PSMD9: variants seen among roughly 807,000 people sequenced by gnomAD.
PSMD9 encodes 26S proteasome non-ATPase regulatory subunit 9.
In PSMD9, 26 loss-of-function variants were observed where a neutral mutation model predicts 25.9. The ratio of observed to expected loss-of-function variants is 1.00; its 90% CI spans 0.73 to 1.39. PSMD9 has a LOEUF of 1.39. Among genes scored for constraint, PSMD9 ranks in the 40% most tolerant of loss-of-function variants. PSMD9 has a pLI of 0.00. For missense variants in PSMD9, 303 were observed against 299.3 expected (o/e 1.01, Z -0.09); for synonymous variants, 110 against 114.5 (o/e 0.96, Z 0.25).
chr12:121,900,271 G>T (rs965377615), intron 3 of PSMD9, among the ~76,000 whole-genome samples: 2 of 152,188 alleles, frequency 1.3e-5, no homozygotes, highest in East Asian at 3.8e-4. Flanking sequence ...CACTTGAGAA[G>T]GCTGAGGCGA....
intron 4 of PSMD9, among the ~76,000 whole-genome samples, chr12:121,912,282 T>C (rs2135732113): frequency 6.6e-6 from 1 of 152,132 alleles, no homozygotes; most frequent in African/African-American, 2.4e-5. Flanking sequence ...CCACCCGTCT[T>C]GGCCTCCCAA....
rs1023140916 is a variant in PSMD9 at position 121,918,006 on chromosome 12, G to C, written c.*1695G>C. 1.3e-5 allele frequency: 2 copies of C among 152,202 alleles called. No individual in the cohort carries two copies. The highest frequency in any genetic ancestry group is 4.8e-5 in the African/African-American group (2 of 41,456). 9.4% of individuals were successfully genotyped at this position (152,202 alleles called of 1,614,324 possible). Reference sequence around the variant, plus strand: ...CCTTCTGCCTCAGTGGCTCTGGCTGGTTTCCTGCAGGGGTCCCAGTGGAAA... The same window carrying C: ...CCTTCTGCCTCAGTGGCTCTGGCTGCTTTCCTGCAGGGGTCCCAGTGGAAA... On this transcript the variant is annotated 3_prime_UTR_variant, in exon 6 of 6. Transcript: ENST00000541212. This position sits in a 1 kb window ranked among gnomAD's most constrained non-coding sequence, Gnocchi z 4.3.
Position 121,899,802 on chromosome 12 carries a change from C to A in PSMD9, c.410C>A (p.Ala137Asp). Residue 137 changes from alanine (A) to aspartate (D), a missense_variant, in exon 3 of 6, where the codon GCC becomes GAC. Transcript: ENST00000541212. ...SESQGPPRAF[A>D]KVNSISPGSP... is the part of the protein sequence containing the mutation. The stretch of plus-strand genomic sequence containing the variant: ...AGCCAGGGCCCTCCACGGGCCTTCG[C>A]CAAAGTGAACAGCATCAGCCCCGGC... The A allele has an allele frequency of 6.2e-7, 1 of 1,614,072 alleles. No individual in the cohort carries two copies.
chr12:121,899,396 C>T, intron 2 of PSMD9: 1 of 503,384 alleles, frequency 2.0e-6, no homozygotes, highest in Non-Finnish European at 3.6e-6. Context: ...GACTTTGCTG[C>T]TGGCCAGGCC....
intron 1 of PSMD9, among the ~76,000 whole-genome samples, chr12:121,889,342 T>A (rs1878990639): frequency 6.6e-6 from 1 of 152,190 alleles, no homozygotes; most frequent in African/African-American, 2.4e-5. Context: ...TGTTACTTGG[T>A]GATTAAACAG....
chr12:121,899,642 A>C lies in PSMD9; in HGVS notation c.250A>C (p.Asn84His), dbSNP rs753094308. Residue 84 changes from asparagine to histidine, a missense_variant, in exon 3 of 6, where the codon AAT becomes CAT. Coordinates refer to ENST00000541212, the MANE Select transcript of PSMD9 (RefSeq NM_002813.7). ...TGTGGTTCTCATCCCAGGCCTGCAG[A>C]ATGATCACAAGGCAGTGATGAAGCA... is the stretch of plus-strand genomic sequence containing the variant. ...TARHNIICLQ[N>H]DHKAVMKQVE... is the part of the protein sequence containing the mutation. 54 of 1,606,510 alleles carry C rather than the reference A, an allele frequency of 3.4e-5. No homozygotes were observed. Among genetic ancestry groups the C allele is most frequent in the Non-Finnish European group, 4.5e-5 (53 of 1,176,598 alleles).
chr12:121,908,593 G>C (rs929372979), intron 4 of PSMD9, among the ~76,000 whole-genome samples: 5 of 152,112 alleles, frequency 3.3e-5, no homozygotes, highest in Non-Finnish European at 7.3e-5. Context: ...AAACAAACAG[G>C]GTCCTTGCCT....
intron 2 of PSMD9, 150 bp from the exon 3 acceptor site, chr12:121,899,484 A>G (rs1879325092): frequency 1.5e-6 from 1 of 677,780 alleles, no homozygotes; most frequent in South Asian, 1.9e-5. Flanking sequence ...CCATGAGGGA[A>G]TGTCCTCTGT....
rs1878961845 is a variant in PSMD9 at position 121,888,843 on chromosome 12, G to C, written c.-14G>C. ...CGGGAGCCGGGTCTCTGGAGTCGCG[G>C]CCCGGGGTTCACGATGTCCGACGAG... On this transcript the variant is annotated 5_prime_UTR_variant, in exon 1 of 6. Transcript: ENST00000541212. 1 of 1,598,336 alleles carries C rather than the reference G, an allele frequency of 6.3e-7. No individual in the cohort carries two copies. The highest frequency in any genetic ancestry group is 1.3e-5 in the African/African-American group (1 of 74,756).
In PSMD9 at chr12:121,911,933, G is replaced by A. The variant is rs1565895660; in HGVS notation, c.556-3923G>A. ...CTCCCAAAGTGCTGGGATTGCAGGC[G>A]TGAACCACCACACCTGGCCTATGAA... On this transcript the variant is annotated intron_variant, in intron 4 of 5. Transcript: ENST00000541212. Among the ~76,000 whole-genome samples, 10 of 151,960 alleles carry A rather than the reference G, an allele frequency of 6.6e-5. No individual in the cohort carries two copies. In the South Asian group the frequency reaches 2.1e-3, roughly 32 times the overall value.
intron 4 of PSMD9, among the ~76,000 whole-genome samples, chr12:121,905,609 C>T (rs1050026943): frequency 3.3e-5 from 5 of 150,260 alleles, no homozygotes; most frequent in South Asian, 2.1e-4. Flanking sequence ...CTCACTGCAA[C>T]CTCTGCCTCC....
chr12:121,911,020 T>C, intron 4 of PSMD9: 1 of 453,454 alleles, frequency 2.2e-6, no homozygotes, highest in Non-Finnish European at 4.4e-6. Context: ...AAATCTTACA[T>C]ACTGTGTAGT....
intron 4 of PSMD9, among the ~76,000 whole-genome samples, chr12:121,904,906 C>T (rs1879509411): frequency 6.6e-6 from 1 of 151,538 alleles, no homozygotes; most frequent in Non-Finnish European, 1.5e-5. Flanking sequence ...GCTGGGACTA[C>T]AGATGTGAGC....
chr12:121,910,536 C>T (rs1051813698), intron 4 of PSMD9, among the ~76,000 whole-genome samples: 6 of 151,514 alleles, frequency 4.0e-5, no homozygotes, highest in African/African-American at 1.2e-4. Flanking sequence ...CCAAGGTGGG[C>T]GGATCACCTG....
chr12:121,912,868 CAAAAAAAAAA>C (rs35325016), intron 4 of PSMD9, among the ~76,000 whole-genome samples: 2 of 85,792 alleles, frequency 2.3e-5, no homozygotes, highest in African/African-American at 8.4e-5. Context: ...AACCCTGTCT[CAAAAAAAAAA>C]AAAAAAAAAG....
At position 121,903,062 on chromosome 12, in the gene PSMD9, C is replaced by T. The variant is rs779338887; in HGVS notation, c.510C>T (p.Phe170=). Residue 170 remains phenylalanine, a synonymous_variant, in exon 4 of 6, where the codon TTC becomes TTT. Coordinates refer to ENST00000541212, the MANE Select transcript of PSMD9 (RefSeq NM_002813.7). The part of the protein sequence containing the change: ...VEFGSVNTQN[F]QSLHNIGSVV... ...TCGGCTCTGTGAACACCCAGAACTT[C>T]CAGTCACTGCATAACATTGGCAGTG... 2 of 1,614,110 alleles carry T rather than the reference C, an allele frequency of 1.2e-6. No individual in the cohort carries two copies. The highest frequency in any genetic ancestry group is 1.7e-6 in the Non-Finnish European group (2 of 1,180,014).
chr12:121,896,693 G>T (rs553303571), intron 2 of PSMD9, among the ~76,000 whole-genome samples: 1 of 151,724 alleles, frequency 6.6e-6, no homozygotes, highest in South Asian at 2.1e-4. Context: ...AAAATTAGCT[G>T]GGCATGGTGG....
At chr12:121,912,924 A>G (rs931709955) in intron 4 of PSMD9, among the ~76,000 whole-genome samples, 1 of 145,574 alleles carries the variant, frequency 6.9e-6, no homozygotes, top group East Asian at 2.0e-4. Context: ...TCCTTTGCTC[A>G]TTTTCTTTTC....
intron 4 of PSMD9, among the ~76,000 whole-genome samples, chr12:121,912,014 T>TGC (rs1879738227): frequency 5.3e-5 from 4 of 76,140 alleles, no homozygotes; most frequent in Admixed American, 1.5e-4. Context: ...TGCTTATTTA[T>TGC]TTATTTATTT....
Sources: allele counts gnomAD v4.1 joint callset (sites outside exome capture counted in the v4.1 genomes callset), GRCh38; gene constraint gnomAD v4.1.1; non-coding constraint Gnocchi (gnomAD v3.1); transcripts MANE v1.5; gene names NCBI Gene and HGNC (gene_info 2026-07-23, HGNC 2026-07-21).